The following PPM1H variants were observed in gnomAD, a reference collection of about 807,000 sequenced individuals.
PPM1H encodes the protein protein phosphatase, Mg2+/Mn2+ dependent 1H, also known as protein phosphatase 1H.
Under a neutral mutation model 54.9 loss-of-function variants are expected in PPM1H, and 27 were observed. The ratio of observed to expected loss-of-function variants is 0.49; its 90% CI spans 0.36 to 0.68. PPM1H has a LOEUF of 0.68. PPM1H is among the 30% of genes least tolerant of loss of function. PPM1H has a pLI of 0.00. For missense variants in PPM1H, 596 were observed against 667.8 expected (o/e 0.89, Z 1.19); for synonymous variants, 305 against 270.8 (o/e 1.13, Z -1.24).
intron 5 of PPM1H, among the ~76,000 whole-genome samples, chr12:62,737,217 T>A (rs201115600): frequency 8.2e-5 from 11 of 134,310 alleles, no homozygotes; most frequent in African/African-American, 1.1e-4. Flanking sequence ...AAGAAGCCAT[T>A]AAAAAAAAAA....
intron 6 of PPM1H, among the ~76,000 whole-genome samples, chr12:62,717,016 C>T (rs1012722500): frequency 6.6e-6 from 1 of 152,144 alleles, no homozygotes; most frequent in African/African-American, 2.4e-5. Context: ...CTCTGTTGCC[C>T]AGGCTGGAAT....
chr12:62,859,307 A>C (rs1221703215), intron 1 of PPM1H, among the ~76,000 whole-genome samples: 1 of 152,218 alleles, frequency 6.6e-6, no homozygotes. Flanking sequence ...GGTGGATGTT[A>C]CATTTTCACA....
intron 4 of PPM1H, among the ~76,000 whole-genome samples, chr12:62,766,008 C>G (rs1232369873): frequency 6.6e-6 from 1 of 152,172 alleles, no homozygotes; most frequent in African/African-American, 2.4e-5. Context: ...TGTGGCCACC[C>G]CACATTGTAG....
At chr12:62,691,481 G>A (rs2076082518) in intron 7 of PPM1H, among the ~76,000 whole-genome samples, 1 of 152,160 alleles carries the variant, frequency 6.6e-6, no homozygotes, top group Admixed American at 6.5e-5. Context: ...ACATTAAGCA[G>A]AAATGAAACC....
At position 62,838,336 on chromosome 12, in the gene PPM1H, TGTGG is replaced by T. The variant is rs921848615; in HGVS notation, c.246-6061_246-6058del. On this transcript the variant is annotated intron_variant, in intron 1 of 9. Coordinates refer to ENST00000228705, the MANE Select transcript of PPM1H (RefSeq NM_020700.2). Reference sequence around the variant, plus strand: ...GACAGTAAAATACAGTGTGTGTGTGTGTGGGGGGGGGGAGATGAATAACTTATGG... The same window carrying T: ...GACAGTAAAATACAGTGTGTGTGTGTGGGGGGGGAGATGAATAACTTATGG... Among the ~76,000 whole-genome samples, 666 of 103,106 alleles carry T rather than the reference TGTGG, an allele frequency of 6.5e-3. 15 individuals carry two copies. Among genetic ancestry groups the T allele is most frequent in the African/African-American group, 0.03 (641 of 21,276 alleles). 67.6% of individuals were successfully genotyped at this position (103,106 alleles called of 152,430 possible).
At chr12:62,897,917 C>CA (rs1411766257) in intron 1 of PPM1H, among the ~76,000 whole-genome samples, 1 of 152,094 alleles carries the variant, frequency 6.6e-6, no homozygotes, top group Non-Finnish European at 1.5e-5. Flanking sequence ...CAGTCCATCA[C>CA]AAGTGGGGAA....
intron 4 of PPM1H, among the ~76,000 whole-genome samples, chr12:62,768,250 A>G (rs2076555925): frequency 6.6e-6 from 1 of 152,184 alleles, no homozygotes; most frequent in Admixed American, 6.5e-5. Flanking sequence ...GCAGCTAGTC[A>G]GCTCCACCAT....
chr12:62,728,196 C>G (rs558592299), intron 5 of PPM1H, among the ~76,000 whole-genome samples: 2 of 152,230 alleles, frequency 1.3e-5, no homozygotes, highest in South Asian at 4.2e-4. Context: ...TGCAAGTAAC[C>G]AAGACTCTTA....
At chr12:62,713,255 T>C (rs898228720) in intron 6 of PPM1H, among the ~76,000 whole-genome samples, 34 of 151,828 alleles carry the variant, frequency 2.2e-4, no homozygotes, top group African/African-American at 8.0e-4. Context: ...GTGGAAAGGG[T>C]TGGAAGCCAA....
rs758947327 is a variant in PPM1H, at chr12:62,801,950, G to T, written c.622C>A (p.Arg208=). ...ACCCCTCCGCGCAGGGAGGCTGCCC[G>T]GGTCAGAGTCCGGCTGTTGGCGGGC... is the stretch of plus-strand genomic sequence containing the variant. The part of the protein sequence containing the change: ...NTPANSRTLT[R]AASLRGGVGA... Residue 208 remains arginine, a synonymous_variant, in exon 3 of 10, where the codon CGG becomes AGG. Coordinates refer to ENST00000228705, the MANE Select transcript of PPM1H (RefSeq NM_020700.2). 1 of 1,612,522 alleles carries T rather than the reference G, an allele frequency of 6.2e-7. No homozygotes were observed. The highest frequency in any genetic ancestry group is 8.5e-7 in the Non-Finnish European group (1 of 1,179,118).
chr12:62,768,713 G>A (rs933935053), intron 4 of PPM1H, among the ~76,000 whole-genome samples: 1 of 151,992 alleles, frequency 6.6e-6, no homozygotes, highest in African/African-American at 2.4e-5. Context: ...AGAGAACTTT[G>A]AGTATGTTTG....
At chr12:62,846,237 G>A (rs530607221) in intron 1 of PPM1H, among the ~76,000 whole-genome samples, 218 of 152,244 alleles carry the variant, frequency 1.4e-3, no homozygotes, top group African/African-American at 5.2e-3. Context: ...GGTGGCTCAC[G>A]CCTGTAATCC....
intron 8 of PPM1H, among the ~76,000 whole-genome samples, chr12:62,670,813 T>C (rs1474553661): frequency 6.6e-6 from 1 of 152,202 alleles, no homozygotes; most frequent in African/African-American, 2.4e-5. Context: ...GTCACAACCC[T>C]GGTCTGTGAA....
intron 4 of PPM1H, chr12:62,755,371 G>T: frequency 1.2e-6 from 1 of 841,768 alleles, no homozygotes; most frequent in Non-Finnish European, 2.0e-6. Context: ...GTTCCAGTAT[G>T]ATTTTGTCTG....
chr12:62,728,977 C>T (rs1040012306), intron 5 of PPM1H, among the ~76,000 whole-genome samples: 6 of 152,114 alleles, frequency 3.9e-5, no homozygotes, highest in Non-Finnish European at 7.3e-5. Flanking sequence ...GGTCAGCTGG[C>T]CAGTGAGTAG....
At chr12:62,667,909 T>C (rs2075929178) in intron 8 of PPM1H, among the ~76,000 whole-genome samples, 1 of 152,184 alleles carries the variant, frequency 6.6e-6, no homozygotes, top group Non-Finnish European at 1.5e-5. Flanking sequence ...TTGCATTACC[T>C]GCTCTGAGGC....
At chr12:62,770,143 G>A (rs1224189986) in intron 4 of PPM1H, among the ~76,000 whole-genome samples, 1 of 149,462 alleles carries the variant, frequency 6.7e-6, no homozygotes, top group Non-Finnish European at 1.5e-5. Context: ...TTTTCCACCT[G>A]GGGGATAATA....
At chr12:62,928,007 T>C (rs1872027550) in intron 1 of PPM1H, among the ~76,000 whole-genome samples, 1 of 152,212 alleles carries the variant, frequency 6.6e-6, no homozygotes, top group Non-Finnish European at 1.5e-5. Context: ...CAGAACTGGA[T>C]ATGAATCCAA....
chr12:62,784,181 C>T (rs749597235), intron 4 of PPM1H, among the ~76,000 whole-genome samples: 37 of 152,132 alleles, frequency 2.4e-4, no homozygotes, highest in South Asian at 2.1e-4. Context: ...CTGGTTAGCT[C>T]GGCAGAGTAG....
Sources: gnomAD v4.1 joint callset for allele counts (sites outside exome capture counted in the v4.1 genomes callset) on GRCh38, gnomAD v4.1.1 for gene constraint, MANE v1.5 for transcripts, NCBI Gene and HGNC (gene_info 2026-07-23, HGNC 2026-07-21) for gene names.